Variants in XXYLT1 observed in about 807,000 individuals in gnomAD.
XXYLT1 encodes the protein UDP-xylose:alpha-xyloside alpha-1,3-xylosyltransferase.
Under a neutral mutation model 28.9 loss-of-function variants are expected in XXYLT1, and 20 were observed. The observed-to-expected ratio is 0.69, with a 90% CI of 0.49 to 1.00. XXYLT1 has a LOEUF of 1.00. Ranked by LOEUF, XXYLT1 falls within the 50% of genes least tolerant of loss-of-function variation. The pLI is 0.00. For missense variants in XXYLT1, 542 were observed against 560.1 expected, an observed-to-expected ratio of 0.97 and a Z score of 0.33; for synonymous variants, 257 against 253.8, an observed-to-expected ratio of 1.01 and a Z score of -0.12.
intron 3 of XXYLT1, among the ~76,000 whole-genome samples, chr3:195,096,508 C>T (rs1716455357): frequency 6.6e-6 from 1 of 152,152 alleles, no homozygotes; most frequent in Non-Finnish European, 1.5e-5. Context: ...CAAACACACA[C>T]GATACACACA....
rs1204758948 is a variant in XXYLT1, at chr3:195,257,338, C to T, written c.504+13217G>A. ...TGGAGACACAGAATGAAATAAGACA[C>T]AGTGCTCATCCCCCAGCAGCTGGCA... is the stretch of plus-strand genomic sequence containing the variant. On this transcript the variant is annotated intron_variant, in intron 1 of 3. Coordinates refer to ENST00000310380, the MANE Select transcript of XXYLT1 (RefSeq NM_152531.5). The surrounding 1 kb of genome is among the most constrained non-coding windows in gnomAD (Gnocchi z 4.3). Among the ~76,000 whole-genome samples, 1 of 152,192 alleles carries T rather than the reference C, an allele frequency of 6.6e-6. No homozygotes were observed. The highest frequency in any genetic ancestry group is 2.4e-5 in the African/African-American group (1 of 41,462).
intron 2 of XXYLT1, among the ~76,000 whole-genome samples, chr3:195,189,504 T>A (rs1722334331): frequency 6.6e-6 from 1 of 152,198 alleles, no homozygotes; most frequent in South Asian, 2.1e-4. Flanking sequence ...ATCAAAACTA[T>A]TTTTTAATGC....
intron 3 of XXYLT1, among the ~76,000 whole-genome samples, chr3:195,121,633 C>T (rs1044941900): frequency 6.6e-6 from 1 of 152,230 alleles, no homozygotes; most frequent in Non-Finnish European, 1.5e-5. Context: ...TGCTTTCTAA[C>T]CACTTGGGTT....
intron 3 of XXYLT1, among the ~76,000 whole-genome samples, chr3:195,140,312 G>A (rs1719417341): frequency 6.6e-6 from 1 of 152,172 alleles, no homozygotes; most frequent in Non-Finnish European, 1.5e-5. Context: ...AATAGAGAAA[G>A]CCTAATCCTT....
intron 1 of XXYLT1, among the ~76,000 whole-genome samples, chr3:195,251,795 G>A (rs1725265370): frequency 6.6e-6 from 1 of 152,186 alleles, no homozygotes; most frequent in African/African-American, 2.4e-5. Context: ...CATGGAATGG[G>A]AAGGGGAACA....
intron 1 of XXYLT1, among the ~76,000 whole-genome samples, chr3:195,268,585 C>T (rs1231820948): frequency 7.4e-5 from 10 of 135,048 alleles, no homozygotes; most frequent in African/African-American, 1.7e-4. Context: ...GCAACAAGAG[C>T]GAAACTCCAT....
chr3:195,223,560 A>G (rs993063391), intron 2 of XXYLT1, among the ~76,000 whole-genome samples: 3 of 152,236 alleles, frequency 2.0e-5, no homozygotes, highest in Non-Finnish European at 4.4e-5. Context: ...AGCACAAAAC[A>G]ACACTCATTT....
intron 1 of XXYLT1, among the ~76,000 whole-genome samples, chr3:195,263,466 G>C (rs901560447): frequency 6.6e-6 from 1 of 152,130 alleles, no homozygotes; most frequent in African/African-American, 2.4e-5. Flanking sequence ...TCTTGGGAGG[G>C]AGCGAGTTCT....
chr3:195,220,489 A>C (rs1723778639), intron 2 of XXYLT1, among the ~76,000 whole-genome samples: 1 of 151,498 alleles, frequency 6.6e-6, no homozygotes, highest in Non-Finnish European at 1.5e-5. Flanking sequence ...CTTTTAAATA[A>C]CCTCCCAAGA....
intron 2 of XXYLT1, among the ~76,000 whole-genome samples, chr3:195,219,737 C>T (rs1362572986): frequency 6.6e-6 from 1 of 152,212 alleles, no homozygotes; most frequent in East Asian, 1.9e-4. Flanking sequence ...CAACCATCTG[C>T]CTGCAGCCTC....
intron 1 of XXYLT1, among the ~76,000 whole-genome samples, chr3:195,241,226 T>C (rs1425320555): frequency 1.3e-5 from 2 of 152,194 alleles, no homozygotes; most frequent in East Asian, 3.9e-4. Flanking sequence ...CTGGTATCCA[T>C]ACACTTGGAG....
intron 3 of XXYLT1, among the ~76,000 whole-genome samples, chr3:195,151,902 T>G (rs12631516): frequency 0.25 from 36,384 of 146,058 alleles, 5,189 homozygotes; most frequent in East Asian, 0.56. Flanking sequence ...AGGGAGGGAG[T>G]GACGGAGGGG....
At position 195,069,599 on chromosome 3, in the gene XXYLT1, A is replaced by C. The variant is rs907369606; in HGVS notation, c.*116T>G. On this transcript the variant is annotated 3_prime_UTR_variant, in exon 4 of 4. Transcript: ENST00000310380. ...GGCAGGAGGTCTCAGCACCTTAATC[A>C]CAGGACTTCCCTGCGGTGTCTCTCT... 4 of 1,433,934 alleles carry C rather than the reference A, an allele frequency of 2.8e-6. No individual in the cohort carries two copies. Among genetic ancestry groups the C allele is most frequent in the Non-Finnish European group, 3.7e-6 (4 of 1,073,054 alleles). The allele number at this position is 1,433,934 out of a possible 1,614,324, so 88.8% of individuals were successfully genotyped here.
At chr3:195,225,114 C>T (rs779018446) in intron 2 of XXYLT1, among the ~76,000 whole-genome samples, 3 of 152,216 alleles carry the variant, frequency 2.0e-5, no homozygotes, top group Non-Finnish European at 4.4e-5. Context: ...CTTGCAACTC[C>T]TCAGCTTCAC....
intron 2 of XXYLT1, among the ~76,000 whole-genome samples, chr3:195,219,876 A>G (rs948090115): frequency 2.0e-5 from 3 of 152,202 alleles, no homozygotes; most frequent in African/African-American, 7.2e-5. Context: ...TCTTTTCTAC[A>G]ATGGCAAGCG....
At chr3:195,239,805 T>C (rs1724702143) in intron 1 of XXYLT1, among the ~76,000 whole-genome samples, 1 of 152,162 alleles carries the variant, frequency 6.6e-6, no homozygotes, top group African/African-American at 2.4e-5. Flanking sequence ...TACGGTTCCC[T>C]GTGAATTTAT....
intron 3 of XXYLT1, among the ~76,000 whole-genome samples, chr3:195,081,845 G>A (rs1715451054): frequency 6.6e-6 from 1 of 152,152 alleles, no homozygotes; most frequent in Admixed American, 6.5e-5. Context: ...GGTCTACCTG[G>A]CTCTGCACCC....
chr3:195,215,491 T>C (rs1338520567), intron 2 of XXYLT1, among the ~76,000 whole-genome samples: 1 of 127,886 alleles, frequency 7.8e-6, no homozygotes, highest in Non-Finnish European at 1.7e-5. Flanking sequence ...ACCAAGCCAA[T>C]GGAAAACAAA....
chr3:195,207,376 G>A (rs1203416058), intron 2 of XXYLT1: 6 of 438,030 alleles, frequency 1.4e-5, no homozygotes, highest in African/African-American at 8.0e-5. Context: ...TCAACAGAGG[G>A]TTTGGAGGTT....
Sources: allele counts gnomAD v4.1 joint callset (sites outside exome capture counted in the v4.1 genomes callset), GRCh38; gene constraint gnomAD v4.1.1; non-coding constraint Gnocchi (gnomAD v3.1); transcripts MANE v1.5; gene names NCBI Gene and HGNC (gene_info 2026-07-23, HGNC 2026-07-21).